GALNT13: variants seen among roughly 807,000 people sequenced by gnomAD.
GALNT13 encodes the protein UDP-GalNAc:polypeptide N-acetylgalactosaminyltransferase 13.
A neutral mutation model predicts 64.2 loss-of-function variants in GALNT13; 28 were observed. The observed-to-expected ratio is 0.44, with a 90% confidence interval of 0.32 to 0.60. GALNT13 has a LOEUF of 0.60. Among genes scored for constraint, GALNT13 ranks in the 20% least tolerant of loss-of-function variants. The probability of loss-of-function intolerance (pLI) is 0.05; values close to 1 mark genes in which losing one functional copy is unlikely to be tolerated. For missense variants in GALNT13, 577 were observed against 669.8 expected (o/e 0.86, Z 1.53); for synonymous variants, 214 against 224.6 (o/e 0.95, Z 0.42).
the GALNT13 span, among the ~76,000 whole-genome samples, chr2:153,742,038 C>CTA: frequency 1.7e-3 from 255 of 152,174 alleles, no homozygotes; most frequent in African/African-American, 5.9e-3. Context: ...TGATTATTAA[C>CTA]TATATTCACC....
At chr2:153,267,212 C>A in the GALNT13 span, among the ~76,000 whole-genome samples, 1 of 152,194 alleles carries the variant, frequency 6.6e-6, no homozygotes, top group African/African-American at 2.4e-5. Flanking sequence ...TAAGGTACAG[C>A]CCCTGAAGCT....
At chr2:153,410,265 G>A in the GALNT13 span, among the ~76,000 whole-genome samples, 1 of 151,754 alleles carries the variant, frequency 6.6e-6, no homozygotes, top group East Asian at 1.9e-4. Context: ...TTTAGGGGGG[G>A]TGGGGTAGGG....
At chr2:153,528,946 C>CTA in the GALNT13 span, among the ~76,000 whole-genome samples, 2 of 151,838 alleles carry the variant, frequency 1.3e-5, no homozygotes, top group East Asian at 3.9e-4. Flanking sequence ...AAGTATATAG[C>CTA]TATAAATACT....
the GALNT13 span, chr2:153,592,711 A>G: frequency 6.6e-6 from 1 of 152,242 alleles, no homozygotes; most frequent in East Asian, 1.9e-4. Context: ...TCTGAAGGAA[A>G]TGGACTTTTC....
chr2:154,015,823 A>G (rs1696965237), intron 3 of GALNT13, among the ~76,000 whole-genome samples: 1 of 152,218 alleles, frequency 6.6e-6, no homozygotes, highest in Non-Finnish European at 1.5e-5. Context: ...GCCTAAAAAG[A>G]AAATCTACGT....
intron 9 of GALNT13, among the ~76,000 whole-genome samples, chr2:154,333,022 C>A (rs1190875130): frequency 6.6e-6 from 1 of 151,992 alleles, no homozygotes; most frequent in Non-Finnish European, 1.5e-5. Context: ...CTGGAGAATG[C>A]TTCTGTAGAG....
intron 3 of GALNT13, among the ~76,000 whole-genome samples, chr2:154,034,970 A>C (rs992592999): frequency 2.0e-4 from 30 of 152,166 alleles, no homozygotes; most frequent in African/African-American, 6.8e-4. Context: ...GTGGGAATGT[A>C]AATTAGTACA....
At chr2:153,312,854 A>G in the GALNT13 span, among the ~76,000 whole-genome samples, 41,781 of 152,054 alleles carry the variant, frequency 0.27, 7,325 homozygotes, top group Non-Finnish European at 0.4. Context: ...AAAGGGGGTG[A>G]ATTTTATCCC....
chr2:153,696,051 C>CA, the GALNT13 span, among the ~76,000 whole-genome samples: 2 of 152,036 alleles, frequency 1.3e-5, no homozygotes, highest in African/African-American at 4.8e-5. Context: ...TATTGATACA[C>CA]ACAATCACAA....
intron 9 of GALNT13, among the ~76,000 whole-genome samples, chr2:154,356,723 A>G (rs1173586902): frequency 1.3e-5 from 2 of 151,892 alleles, no homozygotes; most frequent in East Asian, 3.8e-4. Flanking sequence ...ATTCTAATCC[A>G]TATTTATTTG....
the GALNT13 span, among the ~76,000 whole-genome samples, chr2:153,800,215 C>T: frequency 6.6e-6 from 1 of 152,034 alleles, no homozygotes; most frequent in Non-Finnish European, 1.5e-5. Context: ...TTTCTTAGTA[C>T]ATATGAAAAT....
intron 4 of GALNT13, among the ~76,000 whole-genome samples, chr2:154,156,570 T>G (rs771051006): frequency 1.6e-4 from 24 of 152,188 alleles, no homozygotes; most frequent in Non-Finnish European, 3.4e-4. Context: ...AAGTATATCA[T>G]ATGCTTTAAT....
chr2:153,795,660 C>T, the GALNT13 span, among the ~76,000 whole-genome samples: 2 of 152,088 alleles, frequency 1.3e-5, no homozygotes, highest in Non-Finnish European at 2.9e-5. Flanking sequence ...TTCTAGTCAA[C>T]TTTAGGTTAC....
intron 1 of GALNT13, among the ~76,000 whole-genome samples, chr2:153,873,376 A>G (rs1211673377): frequency 6.6e-6 from 1 of 152,224 alleles, no homozygotes; most frequent in Non-Finnish European, 1.5e-5. Context: ...CTGGACAGCG[A>G]AAGCTGCGCA....
At chr2:154,140,558 G>C in intron 4 of GALNT13, 53 bp downstream of exon 4, 1 of 1,298,186 alleles carries the variant, frequency 7.7e-7, no homozygotes, top group Non-Finnish European at 1.1e-6. Context: ...CCATATTTCA[G>C]AATCTCAGAA....
chr2:154,282,502 T>G (rs2105942284), intron 8 of GALNT13, among the ~76,000 whole-genome samples: 1 of 152,270 alleles, frequency 6.6e-6, no homozygotes, highest in African/African-American at 2.4e-5. Flanking sequence ...AAGACTAATC[T>G]AAATCATAAA....
chr2:153,486,446 A>G, the GALNT13 span, among the ~76,000 whole-genome samples: 5 of 152,048 alleles, frequency 3.3e-5, no homozygotes, highest in Non-Finnish European at 5.9e-5. Flanking sequence ...CATTCCCTCA[A>G]TCTCTTACCT....
intron 4 of GALNT13, among the ~76,000 whole-genome samples, chr2:154,161,192 TATAA>T (rs1431185524): frequency 6.6e-6 from 1 of 152,070 alleles, no homozygotes; most frequent in Non-Finnish European, 1.5e-5. Context: ...ATACTAAGAT[TATAA>T]ATGTGAGCAT....
chr2:153,667,240 G>T, the GALNT13 span, among the ~76,000 whole-genome samples: 1 of 152,122 alleles, frequency 6.6e-6, no homozygotes, highest in African/African-American at 2.4e-5. Flanking sequence ...CATTTCCCCA[G>T]CCTCACTAGA....
Sources: allele counts gnomAD v4.1 joint callset (sites outside exome capture counted in the v4.1 genomes callset), GRCh38; gene constraint gnomAD v4.1.1; transcripts MANE v1.5; gene names NCBI Gene and HGNC (gene_info 2026-07-23, HGNC 2026-07-21).